DDAH1: variants seen among roughly 807,000 people sequenced by gnomAD.
DDAH1 encodes the protein dimethylarginine dimethylaminohydrolase 1.
In DDAH1, 19 loss-of-function variants were observed where a neutral mutation model predicts 28.8. The observed-to-expected ratio is 0.66, with a 90% confidence interval of 0.46 to 0.97. The LOEUF is 0.97. Among genes scored for constraint, DDAH1 ranks in the 50% least tolerant of loss-of-function variants. The pLI is 0.00. For synonymous variants in DDAH1, 153 were observed against 154.4 expected (o/e 0.99, Z 0.07); for missense variants, 326 against 375.9 (o/e 0.87, Z 1.10).
At chr1:85,483,903 G>T (rs577515790) in intron 2 of DDAH1, among the ~76,000 whole-genome samples, 1 of 152,114 alleles carries the variant, frequency 6.6e-6, no homozygotes, top group Non-Finnish European at 1.5e-5. Context: ...ATATTTGATC[G>T]CAGATACACA....
At chr1:85,548,943 G>A (rs916941649) in intron 1 of DDAH1, among the ~76,000 whole-genome samples, 2 of 152,122 alleles carry the variant, frequency 1.3e-5, no homozygotes, top group Non-Finnish European at 2.9e-5. Flanking sequence ...TGCAGAGCCT[G>A]GGGTACCCTG....
At chr1:85,505,590 T>C (rs1003754988) in intron 1 of DDAH1, among the ~76,000 whole-genome samples, 2 of 152,198 alleles carry the variant, frequency 1.3e-5, no homozygotes, top group Non-Finnish European at 1.5e-5. Flanking sequence ...AGTTCTTACA[T>C]AGGTTCAAGC....
At chr1:85,423,954 T>A (rs1653270355) in intron 1 of DDAH1, among the ~76,000 whole-genome samples, 2 of 152,192 alleles carry the variant, frequency 1.3e-5, no homozygotes, top group Admixed American at 6.5e-5. Flanking sequence ...TCAAATGTTT[T>A]TTTCTCTACA....
chr1:85,458,840 CT>C (rs545690876), intron 1 of DDAH1, among the ~76,000 whole-genome samples: 4 of 151,986 alleles, frequency 2.6e-5, no homozygotes, highest in Non-Finnish European at 5.9e-5. Flanking sequence ...ATAAATGAAA[CT>C]TTTTTCTCTC....
intron 1 of DDAH1, among the ~76,000 whole-genome samples, chr1:85,375,620 G>T (rs1650618280): frequency 6.6e-6 from 1 of 152,078 alleles, no homozygotes; most frequent in African/African-American, 2.4e-5. Context: ...CAGCCATACA[G>T]TTGCATTCCT....
rs997892413 is a variant in DDAH1 at position 85,476,013 on chromosome 1, G to A, written c.-7+20153C>T. Among the ~76,000 whole-genome samples, 9 of 151,988 alleles carry A rather than the reference G, an allele frequency of 5.9e-5. 1 individual carries two copies. The highest frequency in any genetic ancestry group is 3.9e-4 in the East Asian group (2 of 5,190). On this transcript the variant is annotated intron_variant, in intron 2 of 6. Transcript: ENST00000426972. ...ACTAGAGGTGCACGCCACCACACCC[G>A]GGTAATTTTTGGTTTTGTTTTTGTG...
intron 1 of DDAH1, among the ~76,000 whole-genome samples, chr1:85,403,054 G>A (rs534709175): frequency 6.6e-6 from 1 of 152,176 alleles, no homozygotes; most frequent in East Asian, 1.9e-4. Flanking sequence ...AGGGATCTGT[G>A]TGTGTTGGCT....
chr1:85,418,342 G>A (rs1321570589), intron 1 of DDAH1, among the ~76,000 whole-genome samples: 3 of 152,134 alleles, frequency 2.0e-5, no homozygotes, highest in Non-Finnish European at 4.4e-5. Flanking sequence ...CCACTAAAAT[G>A]AGACCAATAA....
chr1:85,500,332 T>C (rs932258433), intron 1 of DDAH1, among the ~76,000 whole-genome samples: 8 of 151,800 alleles, frequency 5.3e-5, no homozygotes, highest in Non-Finnish European at 8.8e-5. Flanking sequence ...GATCTTTATC[T>C]TTCACTAGGT....
chr1:85,569,733 T>C (rs1659398610), intron 1 of DDAH1, among the ~76,000 whole-genome samples: 1 of 152,164 alleles, frequency 6.6e-6, no homozygotes, highest in Non-Finnish European at 1.5e-5. Context: ...GGACTTCTCC[T>C]CTATTCAAAA....
chr1:85,536,948 CATATATATATATATATATATATAT>C (rs202209648), intron 1 of DDAH1, among the ~76,000 whole-genome samples: 4,152 of 91,838 alleles, frequency 0.045, 183 homozygotes, highest in East Asian at 0.17. Context: ...GAAAATGTGG[CATATATATATATATATATATATAT>C]ATATATATAT....
intron 1 of DDAH1, among the ~76,000 whole-genome samples, chr1:85,454,374 ACCAT>A (rs1360836280): frequency 6.6e-6 from 1 of 152,170 alleles, no homozygotes; most frequent in Non-Finnish European, 1.5e-5. Context: ...CAGTCAGGAA[ACCAT>A]CACCGTAAGG....
intron 4 of DDAH1, among the ~76,000 whole-genome samples, chr1:85,348,290 T>G (rs1041606771): frequency 1.3e-5 from 2 of 152,146 alleles, no homozygotes; most frequent in African/African-American, 4.8e-5. Flanking sequence ...ACTTAGGGCT[T>G]GGGGTTTTTT....
At chr1:85,379,576 C>T in intron 1 of DDAH1, 1 of 984,780 alleles carries the variant, frequency 1.0e-6, no homozygotes, top group Non-Finnish European at 1.2e-6. Flanking sequence ...GCACGGAACA[C>T]TTACATAACT....
chr1:85,505,039 G>A (rs1414475041), intron 1 of DDAH1, among the ~76,000 whole-genome samples: 2 of 125,812 alleles, frequency 1.6e-5, no homozygotes, highest in Non-Finnish European at 3.1e-5. Flanking sequence ...AGGCTGGAGT[G>A]CAATGGCGTG....
chr1:85,445,613 CTACT>C (rs1654397631), intron 1 of DDAH1, among the ~76,000 whole-genome samples: 2 of 152,022 alleles, frequency 1.3e-5, no homozygotes, highest in African/African-American at 2.4e-5. Context: ...ATTTACTTAC[CTACT>C]TATTTATTTT....
At position 85,390,607 on chromosome 1, in the gene DDAH1, A is replaced by C. The variant is rs568253159; in HGVS notation, c.304-31760T>G. ...CCCAAAGAGGGCATGGGGTTGCCAC[A>C]CCCACCCCCATACCACAGTGCCAGC... is the stretch of plus-strand genomic sequence containing the variant. On this transcript the variant is annotated intron_variant, in intron 1 of 5. Transcript: ENST00000284031. Among the ~76,000 whole-genome samples, 5 of 152,172 alleles carry C rather than the reference A, an allele frequency of 3.3e-5. No individual in the cohort carries two copies. In the South Asian group the frequency reaches 6.2e-4, roughly 19 times the overall value.
At chr1:85,379,674 T>C (rs777976062) in intron 1 of DDAH1, 13 of 985,288 alleles carry the variant, frequency 1.3e-5, no homozygotes, top group African/African-American at 5.2e-5. Context: ...TCCAAGGCAT[T>C]TGTTGACCTT....
At chr1:85,337,688 G>A (rs968115151) in intron 4 of DDAH1, among the ~76,000 whole-genome samples, 2 of 151,994 alleles carry the variant, frequency 1.3e-5, no homozygotes, top group African/African-American at 2.4e-5. Context: ...TCCTGACCTC[G>A]TGATCCACCC....
Sources: gnomAD v4.1 joint callset for allele counts (sites outside exome capture counted in the v4.1 genomes callset) on GRCh38, gnomAD v4.1.1 for gene constraint, MANE v1.5 for transcripts, NCBI Gene and HGNC (gene_info 2026-07-23, HGNC 2026-07-21) for gene names.